The following NPR3 variants were observed in gnomAD, a reference collection of about 807,000 sequenced individuals.
NPR3 encodes the protein natriuretic peptide receptor 3, also known as atrial natriuretic peptide receptor 3.
A neutral mutation model predicts 54.5 loss-of-function variants in NPR3; 34 were observed. That is an observed-to-expected ratio of 0.62 (90% CI 0.47 to 0.83). NPR3 has a LOEUF of 0.83. NPR3 is among the 40% of genes least tolerant of loss of function. The pLI is 0.00. For synonymous variants in NPR3, 289 were observed against 297.1 expected (o/e 0.97, Z 0.28); for missense variants, 674 against 720.8 (o/e 0.94, Z 0.74).
At chr5:32,774,907 T>C (rs773602913) in intron 4 of NPR3, 64 bp downstream of exon 4, 166 of 1,326,154 alleles carry the variant, frequency 1.3e-4, no homozygotes, top group Non-Finnish European at 1.7e-4. Context: ...TCTGGTTCTG[T>C]ATTTCTCAGT....
At chr5:32,767,680 C>T (rs959473640) in intron 3 of NPR3, among the ~76,000 whole-genome samples, 3 of 152,068 alleles carry the variant, frequency 2.0e-5, no homozygotes, top group Admixed American at 2.0e-4. Flanking sequence ...TTAGCTTAGT[C>T]CTCACCACAC....
At chr5:32,710,546 C>T, upstream of NPR3, 2 of 1,236,256 alleles carry the variant, frequency 1.6e-6, no homozygotes, top group Non-Finnish European at 2.1e-6. Flanking sequence ...ACTGTGACCT[C>T]GGCACCGCTG....
intron 2 of NPR3, among the ~76,000 whole-genome samples, chr5:32,731,533 C>T (rs964894953): frequency 2.2e-4 from 33 of 152,162 alleles, no homozygotes; most frequent in African/African-American, 7.2e-4. Flanking sequence ...AATGAGGTGA[C>T]GTATATAAAA....
chr5:32,692,896 T>C (rs1222305855), intron 1 of NPR3, among the ~76,000 whole-genome samples: 3 of 152,098 alleles, frequency 2.0e-5, no homozygotes, highest in Admixed American at 2.0e-4. Context: ...CAAGGTGGGA[T>C]CGTCAGTTGA....
chr5:32,731,236 T>C (rs1739432406), intron 2 of NPR3, among the ~76,000 whole-genome samples: 1 of 152,248 alleles, frequency 6.6e-6, no homozygotes, highest in South Asian at 2.1e-4. Flanking sequence ...CACAGAGTTA[T>C]ACAGAATGCT....
At position 32,722,327 on chromosome 5, in the gene NPR3, T is replaced by A. The variant is rs60447544; in HGVS notation, c.770-2371T>A. Among the ~76,000 whole-genome samples, 1,209 of 152,290 alleles carry A rather than the reference T, an allele frequency of 7.9e-3. 20 individuals carry two copies. The highest frequency in any genetic ancestry group is 0.026 in the African/African-American group (1,093 of 41,556). On this transcript the variant is annotated intron_variant, in intron 1 of 7. Transcript: ENST00000265074. ...TGAATCCTCTACTGGCCTCCCTGATTCTGATTTCATCCTTACTTGCATCCT... is the reference window on the plus strand; with the variant it reads ...TGAATCCTCTACTGGCCTCCCTGATACTGATTTCATCCTTACTTGCATCCT...
chr5:32,724,537 G>C lies in NPR3; in HGVS notation c.770-161G>C, dbSNP rs191987953. 9.2e-5 allele frequency among the ~76,000 whole-genome samples: 14 copies of C among 152,320 alleles called. No individual in the cohort carries two copies. The East Asian group carries it at 2.5e-3, about 27-fold the overall frequency. On this transcript the variant is annotated intron_variant, in intron 1 of 7. Coordinates refer to ENST00000265074, the MANE Select transcript of NPR3 (RefSeq NM_001204375.2). ...CTCTTGGTTATGGAGGCGTCTGCTA[G>C]GTTCCTCCATGGTCCATTTGTAGTT...
chr5:32,774,913 T>G (rs1182369273), intron 4 of NPR3, 70 bp downstream of exon 4: 5 of 1,278,470 alleles, frequency 3.9e-6, no homozygotes, highest in Non-Finnish European at 3.4e-6. Context: ...TCTGTATTTC[T>G]CAGTTGCAGC....
chr5:32,769,120 C>T (rs1385964395), intron 3 of NPR3, among the ~76,000 whole-genome samples: 9 of 152,174 alleles, frequency 5.9e-5, no homozygotes, highest in African/African-American at 2.2e-4. Context: ...AAGAAAGAGA[C>T]CTCCCTCTGT....
chr5:32,745,277 G>C (rs1436534091), intron 3 of NPR3, among the ~76,000 whole-genome samples: 1 of 152,190 alleles, frequency 6.6e-6, no homozygotes, highest in Non-Finnish European at 1.5e-5. Context: ...GAGAAGTAAA[G>C]CCCTACTGCA....
At chr5:32,718,756 A>T (rs970997682) in intron 1 of NPR3, among the ~76,000 whole-genome samples, 3 of 152,150 alleles carry the variant, frequency 2.0e-5, no homozygotes, top group Non-Finnish European at 4.4e-5. Context: ...GGGCTGAGAC[A>T]ATGGGGTTTT....
Position 32,786,265 on chromosome 5 carries a change from A to T in NPR3, c.1546A>T (p.Thr516Ser). Residue 516 changes from threonine to serine, a missense_variant, in exon 8 of 8, where the codon ACC becomes TCC. Transcript: ENST00000265074. ...KKYRITIERR[T>S]QQEESNLGKH... ...ATACAGAATAACCATTGAGAGGCGA[A>T]CCCAGCAAGAAGAAAGTAACCTTGG... The T allele has an allele frequency of 6.4e-7, 1 of 1,570,540 alleles. No individual in the cohort carries two copies. Among genetic ancestry groups the T allele is most frequent in the Non-Finnish European group, 8.7e-7 (1 of 1,145,404 alleles).
At position 32,787,525 on chromosome 5, in the gene NPR3, T is replaced by C. The variant is rs752136206; in HGVS notation, c.*1180T>C. The C allele has an allele frequency of 3.0e-4, 46 of 152,190 alleles. No homozygotes were observed. Among genetic ancestry groups the C allele is most frequent in the Non-Finnish European group, 5.9e-4 (40 of 68,036 alleles). The allele number at this position is 152,190 out of a possible 1,614,324, so 9.4% of individuals were successfully genotyped here. A position where few individuals can be genotyped will look rare whatever the true frequency, so the allele number is the denominator to read the frequency against. On this transcript the variant is annotated 3_prime_UTR_variant, in exon 8 of 8. Transcript: ENST00000265074. ...TGACAGCAAGCACAGAAATGACAAA[T>C]TTAAAACTTTTACACATGGCATTTA...
At chr5:32,756,482 C>T (rs1280453748) in intron 3 of NPR3, among the ~76,000 whole-genome samples, 1 of 152,032 alleles carries the variant, frequency 6.6e-6, no homozygotes, top group Non-Finnish European at 1.5e-5. Flanking sequence ...TGTTTGAGTT[C>T]TTTGTAGATT....
chr5:32,721,519 T>TGTA (rs1738863076), intron 1 of NPR3, among the ~76,000 whole-genome samples: 1 of 152,134 alleles, frequency 6.6e-6, no homozygotes, highest in Non-Finnish European at 1.5e-5. Flanking sequence ...AACATGCACC[T>TGTA]GTAGTCTCAG....
chr5:32,711,643 G>A lies in NPR3; in HGVS notation c.-134G>A. On this transcript the variant is annotated 5_prime_UTR_variant, in exon 1 of 8. Transcript: ENST00000265074. Reference sequence around the variant, plus strand: ...TATCTTTTGGCGCATTAGTGAAGGGGGTATTCTATTTTGTTAAAGCGCCCA... The same window carrying A: ...TATCTTTTGGCGCATTAGTGAAGGGAGTATTCTATTTTGTTAAAGCGCCCA... The A allele has an allele frequency of 7.8e-7, 1 of 1,285,072 alleles. No individual in the cohort carries two copies. Among genetic ancestry groups the A allele is most frequent in the Non-Finnish European group, 9.8e-7 (1 of 1,021,198 alleles). The allele number at this position is 1,285,072 out of a possible 1,614,324, so 79.6% of individuals were successfully genotyped here. A position where few individuals can be genotyped will look rare whatever the true frequency, so the allele number is the denominator to read the frequency against.
At chr5:32,708,205 G>C (rs1738049162), upstream of NPR3, among the ~76,000 whole-genome samples, 1 of 151,936 alleles carries the variant, frequency 6.6e-6, no homozygotes, top group South Asian at 2.1e-4. Flanking sequence ...ACTGAAGCCA[G>C]AAAGGAAGCA....
intron 2 of NPR3, among the ~76,000 whole-genome samples, chr5:32,732,143 A>T (rs1561093121): frequency 6.8e-6 from 1 of 146,118 alleles, no homozygotes; most frequent in Non-Finnish European, 1.5e-5. Context: ...CGGGAGGCTG[A>T]GGCAGGAGAA....
intron 1 of NPR3, among the ~76,000 whole-genome samples, chr5:32,715,945 A>G (rs1738523865): frequency 6.6e-6 from 1 of 152,228 alleles, no homozygotes; most frequent in Non-Finnish European, 1.5e-5. Flanking sequence ...TATTTTTAGA[A>G]TTAGTCTGGG....
Sources: gnomAD v4.1 joint callset for allele counts (sites outside exome capture counted in the v4.1 genomes callset) on GRCh38, gnomAD v4.1.1 for gene constraint, MANE v1.5 for transcripts, NCBI Gene and HGNC (gene_info 2026-07-23, HGNC 2026-07-21) for gene names.